LMO7: variants seen among roughly 807,000 people sequenced by gnomAD.
LMO7 encodes LIM domain only protein 7.
LMO7 carries 120 observed loss-of-function variants against 206.5 expected under a neutral mutation model. The ratio of observed to expected loss-of-function variants is 0.58; its 90% CI spans 0.50 to 0.68. LMO7 has a LOEUF of 0.68. LMO7 is among the 30% of genes least tolerant of loss of function. The probability of loss-of-function intolerance (pLI) is 0.00; values close to 1 mark genes in which losing one functional copy is unlikely to be tolerated. For missense variants in LMO7, 1,959 were observed against 1,957.9 expected, an observed-to-expected ratio of 1.00 and a Z score of -0.01; for synonymous variants, 706 against 681.5, an observed-to-expected ratio of 1.04 and a Z score of -0.56.
At chr13:75,713,730 C>G (rs2043304529) in intron 2 of LMO7, among the ~76,000 whole-genome samples, 1 of 152,074 alleles carries the variant, frequency 6.6e-6, no homozygotes, top group East Asian at 1.9e-4. Flanking sequence ...GAGTTGTGGA[C>G]CATTCATTCA....
intron 4 of LMO7, among the ~76,000 whole-genome samples, chr13:75,778,482 T>C (rs2050830736): frequency 6.6e-6 from 1 of 152,202 alleles, no homozygotes; most frequent in African/African-American, 2.4e-5. Flanking sequence ...TCCACCCGCC[T>C]CGGCCTCCCA....
intron 4 of LMO7, among the ~76,000 whole-genome samples, chr13:75,781,096 C>CTT (rs367937964): frequency 0.026 from 1,075 of 41,598 alleles, 11 homozygotes; most frequent in Admixed American, 0.044. Context: ...CTCTATTTTC[C>CTT]TTTTTTTTTT....
chr13:75,678,448 T>C (rs1452924954), intron 1 of LMO7, among the ~76,000 whole-genome samples: 1 of 152,224 alleles, frequency 6.6e-6, no homozygotes, highest in African/African-American at 2.4e-5. Flanking sequence ...TTTTGAGAAG[T>C]GTCTGTTCAT....
At chr13:75,638,094 A>G (rs1309736942) in intron 1 of LMO7, among the ~76,000 whole-genome samples, 7 of 152,214 alleles carry the variant, frequency 4.6e-5, no homozygotes, top group Admixed American at 4.6e-4. Flanking sequence ...TGTGTTCTGC[A>G]TAATTTTAGA....
chr13:75,710,280 A>G (rs569452464), intron 1 of LMO7, among the ~76,000 whole-genome samples: 28 of 152,244 alleles, frequency 1.8e-4, no homozygotes, highest in African/African-American at 5.5e-4. Context: ...TTGGCAATGC[A>G]GGCCCTTTTT....
At chr13:75,651,598 G>A (rs138848457) in intron 1 of LMO7, among the ~76,000 whole-genome samples, 3,262 of 152,266 alleles carry the variant, frequency 0.021, 53 homozygotes, top group Non-Finnish European at 0.034. Context: ...AAAGTGCTGG[G>A]ATTACAGGCG....
intron 1 of LMO7, among the ~76,000 whole-genome samples, chr13:75,692,281 G>A (rs940813925): frequency 2.0e-5 from 3 of 152,160 alleles, no homozygotes; most frequent in Admixed American, 2.0e-4. Context: ...TGGGTCACAA[G>A]CCAACAGACA....
At chr13:75,671,135 C>T (rs1184420473) in intron 1 of LMO7, among the ~76,000 whole-genome samples, 3 of 151,956 alleles carry the variant, frequency 2.0e-5, no homozygotes, top group East Asian at 3.9e-4. Flanking sequence ...ATGAAGCTGT[C>T]GTCTCCTATG....
intron 15 of LMO7, among the ~76,000 whole-genome samples, chr13:75,829,400 C>T (rs553498139): frequency 6.6e-6 from 1 of 152,146 alleles, no homozygotes; most frequent in Admixed American, 6.5e-5. Flanking sequence ...TATAGAAACA[C>T]TACCTGCCAC....
chr13:75,738,766 T>C (rs1229092668), intron 3 of LMO7, among the ~76,000 whole-genome samples: 2 of 152,188 alleles, frequency 1.3e-5, no homozygotes. Context: ...ATCCTGATGG[T>C]AAGAAGAGCT....
intron 3 of LMO7, among the ~76,000 whole-genome samples, chr13:75,731,725 C>T (rs148886561): frequency 2.0e-4 from 31 of 151,974 alleles, no homozygotes; most frequent in Middle Eastern, 3.4e-3. Context: ...TTCCTAGTCT[C>T]GATGGTCTTT....
intron 26 of LMO7, among the ~76,000 whole-genome samples, chr13:75,846,039 G>A (rs2059967546): frequency 6.6e-6 from 1 of 151,888 alleles, no homozygotes; most frequent in Admixed American, 6.6e-5. Context: ...CCCAGCTCCA[G>A]CCTATCATTG....
At chr13:75,835,062 A>AT (rs914810083) in intron 17 of LMO7, 171 bp from the exon 18 acceptor site, 433 of 746,188 alleles carry the variant, frequency 5.8e-4, no homozygotes, top group South Asian at 8.1e-4. Flanking sequence ...GTATATGTAG[A>AT]TTTTTTTTTA....
rs77512869 is a variant in LMO7, at chr13:75,641,123, C to A, written c.69+4397C>A. On this transcript the variant is annotated intron_variant, in intron 1 of 30. Transcript: ENST00000377534. ...AAAGCAGATGTGCAGACAAACCCAG[C>A]AGTGCCATCAGGTACTGAAGTTCAT... Among the ~76,000 whole-genome samples the A allele has an allele frequency of 1.8e-4, 27 of 152,310 alleles. No individual in the cohort carries two copies. The East Asian group carries it at 2.5e-3, about 14-fold the overall frequency.
At chr13:75,629,965 C>T (rs1332940207) in intron 2 of LMO7, among the ~76,000 whole-genome samples, 1 of 152,094 alleles carries the variant, frequency 6.6e-6, no homozygotes, top group Non-Finnish European at 1.5e-5. Flanking sequence ...ACTGTCATCC[C>T]TCAGGATTTG....
At chr13:75,632,929 C>T (rs944432320), upstream of LMO7, among the ~76,000 whole-genome samples, 13 of 131,046 alleles carry the variant, frequency 9.9e-5, no homozygotes, top group Admixed American at 1.9e-4. Context: ...GCCGTGGTCT[C>T]GGCTCACTTC....
At chr13:75,624,786 C>T (rs1485657781) in intron 2 of LMO7, among the ~76,000 whole-genome samples, 1 of 152,170 alleles carries the variant, frequency 6.6e-6, no homozygotes, top group Non-Finnish European at 1.5e-5. Context: ...TCCCATGATT[C>T]AATTACCTCC....
At position 75,636,474 on chromosome 13, in the gene LMO7, C is replaced by G. The variant is rs2035867993; in HGVS notation, c.-184C>G. 3.5e-6 allele frequency: 5 copies of G among 1,444,996 alleles called. No individual in the cohort carries two copies. Among genetic ancestry groups the G allele is most frequent in the African/African-American group, 1.4e-5 (1 of 69,532 alleles). The allele number at this position is 1,444,996 out of a possible 1,614,324, so 89.5% of individuals were successfully genotyped here. ...CCAGGTCTTCACGTTCGTGTAGGTT[C>G]GAGACCTTAACGAACTGCAGAGCGC... On this transcript the variant is annotated 5_prime_UTR_variant, in exon 1 of 31. Coordinates refer to ENST00000377534, the MANE Select transcript of LMO7 (RefSeq NM_001306080.2).
At chr13:75,803,138 C>T (rs2054988145) in intron 7 of LMO7, among the ~76,000 whole-genome samples, 1 of 152,180 alleles carries the variant, frequency 6.6e-6, no homozygotes, top group Non-Finnish European at 1.5e-5. Flanking sequence ...TTGACTACTA[C>T]TCCTCATGGT....
Sources: gnomAD v4.1 joint callset for allele counts (sites outside exome capture counted in the v4.1 genomes callset) on GRCh38, gnomAD v4.1.1 for gene constraint, MANE v1.5 for transcripts, NCBI Gene and HGNC (gene_info 2026-07-23, HGNC 2026-07-21) for gene names.